The following EDNRB variants were observed in gnomAD, a reference collection of about 807,000 sequenced individuals.
EDNRB encodes Hirschsprung disease 2.
A neutral mutation model predicts 46.4 loss-of-function variants in EDNRB; 18 were observed. The ratio of observed to expected loss-of-function variants is 0.39; its 90% confidence interval spans 0.27 to 0.57. The LOEUF (loss-of-function observed/expected upper bound fraction) is 0.57. EDNRB is among the 20% of genes least tolerant of loss of function. The pLI is 0.61. For missense variants in EDNRB, 434 were observed against 537.5 expected (o/e 0.81, Z 1.90); for synonymous variants, 213 against 204.9 (o/e 1.04, Z -0.34).
rs199990927 is a variant in EDNRB, at chr13:77,897,095, C to T, written c.*1105G>A. ...TACATATGCTAGAAACCATTTTAACCACAGCATGGGTGAGAGAGGGTGCTA... is the reference window on the plus strand; with the variant it reads ...TACATATGCTAGAAACCATTTTAACTACAGCATGGGTGAGAGAGGGTGCTA... On this transcript the variant is annotated 3_prime_UTR_variant, in exon 7 of 7. Transcript: ENST00000646607. The T allele has an allele frequency of 5.1e-6, 5 of 985,712 alleles. No homozygotes were observed. Among genetic ancestry groups the T allele is most frequent in the Non-Finnish European group, 4.8e-6 (4 of 830,274 alleles). 61.1% of individuals were successfully genotyped at this position (985,712 alleles called of 1,614,324 possible).
chr13:77,918,067 A>G lies in EDNRB; in HGVS notation c.483+24T>C. The G allele has an allele frequency of 6.2e-7, 1 of 1,613,782 alleles. No individual in the cohort carries two copies. The highest frequency in any genetic ancestry group is 8.5e-7 in the Non-Finnish European group (1 of 1,180,004). On this transcript the variant is annotated intron_variant, in intron 1 of 6. Transcript: ENST00000646607. The surrounding 1 kb of genome is among the most constrained non-coding windows in gnomAD (Gnocchi z 4.5). The stretch of plus-strand genomic sequence containing the variant: ...CCAGGCCCCCTTCCTCAAGCCCACC[A>G]TGATTTCAGCAGGCGCCCTTTACCT...
At chr13:77,899,693 G>A in intron 6 of EDNRB, 166 bp downstream of exon 6, 1 of 608,120 alleles carries the variant, frequency 1.6e-6, no homozygotes, top group Non-Finnish European at 2.9e-6. Flanking sequence ...AACAATTATA[G>A]TGATTTACAA....
chr13:77,959,462 A>C (rs953518229), intron 1 of EDNRB, among the ~76,000 whole-genome samples: 2 of 152,238 alleles, frequency 1.3e-5, no homozygotes, highest in Admixed American at 6.5e-5. Context: ...AAACTCCAAC[A>C]GACCTGCAGC....
chr13:77,922,181 G>A (rs867869864), upstream of EDNRB, among the ~76,000 whole-genome samples: 9 of 151,532 alleles, frequency 5.9e-5, no homozygotes, highest in Middle Eastern at 6.8e-3. Flanking sequence ...TATTTTAAAC[G>A]TTTATGAAGT....
At chr13:77,971,286 T>A (rs971751852) in intron 1 of EDNRB, among the ~76,000 whole-genome samples, 6 of 152,238 alleles carry the variant, frequency 3.9e-5, no homozygotes, top group African/African-American at 1.4e-4. Flanking sequence ...TAACTAATGA[T>A]GTCCTTCGGT....
chr13:77,927,089 G>A (rs1275989584), intron 1 of EDNRB, among the ~76,000 whole-genome samples: 2 of 152,308 alleles, frequency 1.3e-5, no homozygotes, highest in African/African-American at 2.4e-5. Flanking sequence ...TGAGATTTGG[G>A]TGGGGACACA....
intron 1 of EDNRB, among the ~76,000 whole-genome samples, chr13:77,973,374 C>A (rs1325529928): frequency 6.6e-6 from 1 of 152,030 alleles, no homozygotes. Context: ...TAATATTTGA[C>A]TATAAGGTAA....
At chr13:77,945,631 AG>A (rs1158893998) in intron 1 of EDNRB, among the ~76,000 whole-genome samples, 2 of 152,168 alleles carry the variant, frequency 1.3e-5, no homozygotes, top group Admixed American at 1.3e-4. Flanking sequence ...AGAGGGCTGC[AG>A]GACTGAGAGT....
chr13:77,903,690 CA>C (rs1452711692), intron 1 of EDNRB, 83 bp from the exon 2 acceptor site: 1 of 1,152,196 alleles, frequency 8.7e-7, no homozygotes, highest in Admixed American at 1.8e-5. Flanking sequence ...GAGTAATTAA[CA>C]TGCAGAGTAG....
At chr13:77,904,302 G>A (rs550830571) in intron 1 of EDNRB, among the ~76,000 whole-genome samples, 3 of 151,974 alleles carry the variant, frequency 2.0e-5, no homozygotes, top group Admixed American at 6.6e-5. Context: ...ATTAGATACC[G>A]TAACCGGTCA....
upstream of EDNRB, among the ~76,000 whole-genome samples, chr13:77,922,551 G>T (rs560167177): frequency 6.6e-6 from 1 of 152,278 alleles, no homozygotes; most frequent in East Asian, 1.9e-4. Context: ...TGGTTCAACT[G>T]GTTCTCCACA....
intron 1 of EDNRB, among the ~76,000 whole-genome samples, chr13:77,904,548 G>A (rs1879174571): frequency 6.6e-6 from 1 of 151,810 alleles, no homozygotes; most frequent in Non-Finnish European, 1.5e-5. Flanking sequence ...GCTGTATAAG[G>A]AGCAAGAAGA....
chr13:77,905,691 G>A (rs1471846794), intron 1 of EDNRB, among the ~76,000 whole-genome samples: 1 of 151,970 alleles, frequency 6.6e-6, no homozygotes, highest in Non-Finnish European at 1.5e-5. Context: ...ACCCTGAAGA[G>A]ACAGCATTTG....
intron 1 of EDNRB, among the ~76,000 whole-genome samples, chr13:77,936,385 T>C (rs990420354): frequency 6.6e-6 from 1 of 152,010 alleles, no homozygotes; most frequent in Non-Finnish European, 1.5e-5. Context: ...TTGGGGAGTT[T>C]TAAGAGGTTT....
intron 1 of EDNRB, among the ~76,000 whole-genome samples, chr13:77,957,679 G>A (rs957640781): frequency 2.0e-5 from 3 of 152,120 alleles, no homozygotes; most frequent in African/African-American, 7.2e-5. Flanking sequence ...TTTTATTTTT[G>A]TTTGCTAGTG....
chr13:77,918,878 G>T (rs1879963994), upstream of EDNRB: 3 of 1,255,336 alleles, frequency 2.4e-6, no homozygotes, highest in Admixed American at 7.5e-5. This position sits in a 1 kb window ranked among gnomAD's most constrained non-coding sequence, Gnocchi z 4.5. Context: ...GGGGCGGGGC[G>T]TTCTGGAAGG....
chr13:77,917,474 A>G (rs1332175574), intron 1 of EDNRB, among the ~76,000 whole-genome samples: 1 of 152,188 alleles, frequency 6.6e-6, no homozygotes, highest in Non-Finnish European at 1.5e-5. Context: ...AAGTCTTCCA[A>G]AACAGTCCTT....
Position 77,897,654 on chromosome 13 carries a change from A to G in EDNRB, c.*546T>C, listed in dbSNP as rs954843956. On this transcript the variant is annotated 3_prime_UTR_variant, in exon 7 of 7. Transcript: ENST00000646607. ...CCCTCCTGATCATTTAAATGTTTCC[A>G]GTGTCCGAAAAATGCAACAACTAAA... The G allele has an allele frequency of 3.4e-5, 34 of 986,706 alleles. No individual in the cohort carries two copies. In the African/African-American group the frequency reaches 5.4e-4, roughly 16 times the overall value. 61.1% of individuals were successfully genotyped at this position (986,706 alleles called of 1,614,324 possible).
At chr13:77,972,261 C>T (rs1881757533) in intron 1 of EDNRB, among the ~76,000 whole-genome samples, 1 of 152,204 alleles carries the variant, frequency 6.6e-6, no homozygotes, top group African/African-American at 2.4e-5. Flanking sequence ...AAATCTGGGC[C>T]TCTGGCCTGC....
Sources: gnomAD v4.1 joint callset for allele counts (sites outside exome capture counted in the v4.1 genomes callset) on GRCh38, gnomAD v4.1.1 for gene constraint, Gnocchi (gnomAD v3.1) non-coding constraint, MANE v1.5 for transcripts, NCBI Gene and HGNC (gene_info 2026-07-23, HGNC 2026-07-21) for gene names.